CACNG5: variants seen among roughly 807,000 people sequenced by gnomAD.
CACNG5 encodes calcium voltage-gated channel auxiliary subunit gamma 5.
CACNG5 carries 18 observed loss-of-function variants against 24.8 expected under a neutral mutation model. The ratio of observed to expected loss-of-function variants is 0.73; its 90% CI spans 0.50 to 1.08. The LOEUF is 1.08. Ranked by LOEUF, CACNG5 falls within the 50% of genes least tolerant of loss-of-function variation. CACNG5 has a pLI of 0.00. For synonymous variants in CACNG5, 157 were observed against 149.1 expected (o/e 1.05, Z -0.39); for missense variants, 349 against 367.9 (o/e 0.95, Z 0.42).
At chr17:66,840,039 T>G (rs1423416909) in intron 1 of CACNG5, among the ~76,000 whole-genome samples, 5 of 152,132 alleles carry the variant, frequency 3.3e-5, no homozygotes, top group Non-Finnish European at 7.4e-5. Context: ...TCTCTTACTA[T>G]CCGGGTGGCC....
chr17:66,855,993 G>A (rs1264764529), intron 1 of CACNG5, among the ~76,000 whole-genome samples: 1 of 152,078 alleles, frequency 6.6e-6, no homozygotes, highest in African/African-American at 2.4e-5. Flanking sequence ...TGTTGTTGTC[G>A]TTTAACATTA....
chr17:66,861,364 A>T (rs1976855686), intron 1 of CACNG5, among the ~76,000 whole-genome samples: 1 of 152,238 alleles, frequency 6.6e-6, no homozygotes, highest in Admixed American at 6.5e-5. Context: ...TAAGCTTGTT[A>T]CATGTGTTAC....
At position 66,890,038 on chromosome 17, in the gene CACNG5, C is replaced by T. The variant is rs79991917; in HGVS notation, c.*4798C>T. On this transcript the variant is annotated 3_prime_UTR_variant, in exon 6 of 6. Transcript: ENST00000533854. ...GTATGAGGGCCAATTGGCAGCTCTC[C>T]AAGTCTTGACTTTCTCCCCACACTC... 6.7e-3 allele frequency among the ~76,000 whole-genome samples: 1,022 copies of T among 152,302 alleles called. 9 individuals are homozygous for T. The highest frequency in any genetic ancestry group is 0.023 in the African/African-American group (961 of 41,554).
intron 1 of CACNG5, among the ~76,000 whole-genome samples, chr17:66,856,064 C>A (rs1024977239): frequency 6.6e-6 from 1 of 152,152 alleles, no homozygotes; most frequent in Non-Finnish European, 1.5e-5. Flanking sequence ...AACCATAGTT[C>A]CTATAACTCT....
intron 1 of CACNG5, among the ~76,000 whole-genome samples, chr17:66,852,332 T>G (rs1976717710): frequency 6.6e-6 from 1 of 152,162 alleles, no homozygotes. Flanking sequence ...CGGCCTGTTG[T>G]GGGAATTCTT....
intron 1 of CACNG5, among the ~76,000 whole-genome samples, chr17:66,836,463 A>G (rs368663978): frequency 6.6e-6 from 1 of 152,140 alleles, no homozygotes; most frequent in African/African-American, 2.4e-5. Context: ...GATGTCCTGG[A>G]TTCAGAGTAT....
intron 1 of CACNG5, among the ~76,000 whole-genome samples, chr17:66,873,458 T>C: frequency 6.6e-6 from 1 of 152,142 alleles, no homozygotes. Context: ...TAGATTAAGA[T>C]CCAATCTCCT....
Position 66,885,034 on chromosome 17 carries a change from G to A in CACNG5, c.622G>A (p.Asp208Asn). Residue 208 changes from aspartate (D) to asparagine (N), a missense_variant, in exon 6 of 6, where the codon GAC becomes AAC. Coordinates refer to ENST00000533854, the MANE Select transcript of CACNG5 (RefSeq NM_145811.3). ...YLFMKRYTAEDMYRPHPGFYR... is the reference protein window; with the variant it reads ...YLFMKRYTAENMYRPHPGFYR... ...GTTTATGAAGCGGTACACCGCGGAG[G>A]ACATGTACAGGCCCCACCCTGGCTT... 1 of 1,614,158 alleles carries A rather than the reference G, an allele frequency of 6.2e-7. No individual in the cohort carries two copies. The highest frequency in any genetic ancestry group is 1.3e-5 in the African/African-American group (1 of 75,026).
intron 4 of CACNG5, among the ~76,000 whole-genome samples, chr17:66,881,019 A>G (rs1977152134): frequency 6.6e-6 from 1 of 152,250 alleles, no homozygotes; most frequent in Non-Finnish European, 1.5e-5. Flanking sequence ...GATTACAGGC[A>G]TGAGCCACTG....
intron 1 of CACNG5, among the ~76,000 whole-genome samples, chr17:66,842,023 G>A (rs930373664): frequency 4.6e-5 from 7 of 152,182 alleles, no homozygotes; most frequent in African/African-American, 1.4e-4. Context: ...AAAAAGTAAA[G>A]GCCAGAAGAG....
In CACNG5 at chr17:66,892,711, A is replaced by T. The variant is rs1369787487; in HGVS notation, c.*7471A>T. On this transcript the variant is annotated 3_prime_UTR_variant, in exon 6 of 6. Coordinates refer to ENST00000533854, the MANE Select transcript of CACNG5 (RefSeq NM_145811.3). ...AACAATGTGTGTGAAAACACCGTGTAAACTGTAAAGTCCTCTTTGGACTAA... is the reference window on the plus strand; with the variant it reads ...AACAATGTGTGTGAAAACACCGTGTTAACTGTAAAGTCCTCTTTGGACTAA... 6.6e-6 allele frequency among the ~76,000 whole-genome samples: 1 copy of T among 152,240 alleles called. No individual in the cohort carries two copies. The highest frequency in any genetic ancestry group is 1.5e-5 in the Non-Finnish European group (1 of 68,046).
intron 1 of CACNG5, among the ~76,000 whole-genome samples, chr17:66,851,256 A>T: frequency 6.6e-6 from 1 of 152,220 alleles, no homozygotes; most frequent in East Asian, 1.9e-4. Flanking sequence ...TGAGCTAAGA[A>T]TTTAATGTAA....
intron 4 of CACNG5, among the ~76,000 whole-genome samples, chr17:66,883,628 A>T (rs72843368): frequency 6.6e-6 from 1 of 152,130 alleles, no homozygotes; most frequent in African/African-American, 2.4e-5. Context: ...AGTTTGCCAA[A>T]ATCTGGACAA....
At position 66,885,588 on chromosome 17, in the gene CACNG5, C is replaced by A; in HGVS notation, c.*348C>A. On this transcript the variant is annotated 3_prime_UTR_variant, in exon 6 of 6. Transcript: ENST00000533854. Reference sequence around the variant, plus strand: ...ATATTCTTCCTGCACCCCCCAACTTCATGGCCCTGGGCCAGGGCCAGCTCT... The same window carrying A: ...ATATTCTTCCTGCACCCCCCAACTTAATGGCCCTGGGCCAGGGCCAGCTCT... The A allele has an allele frequency of 4.0e-6, 1 of 252,728 alleles. No individual in the cohort carries two copies. Among genetic ancestry groups the A allele is most frequent in the Non-Finnish European group, 7.5e-6 (1 of 132,608 alleles). The allele number at this position is 252,728 out of a possible 1,614,324, so 15.7% of individuals were successfully genotyped here.
chr17:66,884,544 C>T lies in CACNG5; in HGVS notation c.453C>T (p.Leu151=), dbSNP rs1235668259. ...SGLSLVVGLV[L]YISSINDEML... is the part of the protein sequence containing the mutation. ...TCTCTCTCGTGGTGGGCCTGGTGCT[C>T]TACATCTCCAGCATCAACGATGAGA... Residue 151 remains leucine, a synonymous_variant, in exon 5 of 6, where the codon CTC becomes CTT. Transcript: ENST00000533854. 6.2e-7 allele frequency: 1 copy of T among 1,613,660 alleles called. No homozygotes were observed.
intron 3 of CACNG5, 99 bp downstream of exon 3, chr17:66,879,157 GC>G: frequency 1.2e-6 from 1 of 832,440 alleles, no homozygotes; most frequent in South Asian, 1.5e-5. Context: ...CAAGAGGAAT[GC>G]CCTTAGACTC....
chr17:66,846,330 T>C (rs1887080675), intron 1 of CACNG5, among the ~76,000 whole-genome samples: 1 of 152,240 alleles, frequency 6.6e-6, no homozygotes, highest in African/African-American at 2.4e-5. Flanking sequence ...TGTGCAACTC[T>C]CAGCATTCTC....
At chr17:66,874,180 G>T (rs747940323) in intron 1 of CACNG5, among the ~76,000 whole-genome samples, 1 of 152,112 alleles carries the variant, frequency 6.6e-6, no homozygotes, top group Non-Finnish European at 1.5e-5. Flanking sequence ...CTGTAAAATG[G>T]GTGTGGTAAT....
At chr17:66,862,072 G>A (rs1953933944) in intron 1 of CACNG5, among the ~76,000 whole-genome samples, 1 of 152,194 alleles carries the variant, frequency 6.6e-6, no homozygotes, top group African/African-American at 2.4e-5. Flanking sequence ...CTATGGCCGA[G>A]TTGTGACTTG....
Sources: allele counts gnomAD v4.1 joint callset (sites outside exome capture counted in the v4.1 genomes callset), GRCh38; gene constraint gnomAD v4.1.1; transcripts MANE v1.5; gene names NCBI Gene and HGNC (gene_info 2026-07-23, HGNC 2026-07-21).